The following ITGB1 variants were observed in gnomAD, a reference collection of about 807,000 sequenced individuals.
ITGB1 encodes integrin beta-1.
A neutral mutation model predicts 86.5 loss-of-function variants in ITGB1; 24 were observed. The ratio of observed to expected loss-of-function variants is 0.28; its 90% CI spans 0.20 to 0.39. The LOEUF is 0.39. Ranked by LOEUF, ITGB1 falls within the 10% of genes least tolerant of loss-of-function variation. The pLI is 1.00. For synonymous variants in ITGB1, 323 were observed against 316.8 expected (o/e 1.02, Z -0.21); for missense variants, 556 against 946.9 (o/e 0.59, Z 5.42).
intron 15 of ITGB1, among the ~76,000 whole-genome samples, chr10:32,906,850 T>C (rs1341242266): frequency 6.6e-6 from 1 of 152,234 alleles, no homozygotes; most frequent in Non-Finnish European, 1.5e-5. Flanking sequence ...AAGCACATTC[T>C]CTTTTCACTA....
intron 1 of ITGB1, among the ~76,000 whole-genome samples, chr10:32,954,235 A>G (rs2095048179): frequency 6.6e-6 from 1 of 151,836 alleles, no homozygotes; most frequent in South Asian, 2.1e-4. Context: ...TTGGCCTCAT[A>G]AGGTCATCAT....
chr10:32,917,996 ATGGAAT>A (rs1024178907), intron 11 of ITGB1, among the ~76,000 whole-genome samples: 1 of 152,236 alleles, frequency 6.6e-6, no homozygotes, highest in African/African-American at 2.4e-5. Flanking sequence ...CATATACAAC[ATGGAAT>A]ACTATGCAGC....
At chr10:32,915,061 G>A (rs2094927320) in intron 11 of ITGB1, among the ~76,000 whole-genome samples, 1 of 152,176 alleles carries the variant, frequency 6.6e-6, no homozygotes, top group African/African-American at 2.4e-5. Context: ...GCTCCTGAAT[G>A]ACTACTGGAT....
chr10:32,919,649 A>G (rs1279017799), intron 11 of ITGB1, among the ~76,000 whole-genome samples: 2 of 152,208 alleles, frequency 1.3e-5, no homozygotes, highest in South Asian at 2.1e-4. Flanking sequence ...TACTTCTTTC[A>G]TGGCTATAAA....
Position 32,920,318 on chromosome 10 carries a change from G to C in ITGB1, c.1196C>G (p.Ser399Cys). 6.2e-7 allele frequency: 1 copy of C among 1,612,880 alleles called. No individual in the cohort carries two copies. The highest frequency in any genetic ancestry group is 2.2e-5 in the East Asian group (1 of 44,808). ...LSEGVTISYKSYCKNGVNGTG... is the reference protein window; with the variant it reads ...LSEGVTISYKCYCKNGVNGTG... ...TCCATTCACCCCGTTCTTGCAGTAA[G>C]ATTTGTAACTTATTGTTACGCCTTC... Residue 399 changes from serine (S) to cysteine (C), a missense_variant, in exon 10 of 16, where the codon TCT becomes TGT. By Grantham distance (112) the Ser-to-Cys change is moderately radical. Coordinates refer to ENST00000302278, the MANE Select transcript of ITGB1 (RefSeq NM_002211.4).
In ITGB1 at chr10:32,920,265, T is replaced by C; in HGVS notation, c.1249A>G (p.Asn417Asp). 1.2e-6 allele frequency: 2 copies of C among 1,613,696 alleles called. No individual in the cohort carries two copies. The highest frequency in any genetic ancestry group is 2.2e-5 in the East Asian group (1 of 44,818). ...GTGENGRKCS[N>D]ISIGDEVQFE... ...CATACCTCATCTCCAATGGAAATATTGGAACATTTTCTTCCATTTTCCCCT... is the reference window on the plus strand; with the variant it reads ...CATACCTCATCTCCAATGGAAATATCGGAACATTTTCTTCCATTTTCCCCT... The change falls in exon 10 of 16, where the codon AAT (asparagine) becomes GAT (aspartate). Residue 417 changes from asparagine to aspartate, a missense_variant. Asn to Asp is a conservative substitution (Grantham distance 23). This residue lies in a region of ITGB1 where 330 missense variants were observed against 531.5 expected (regional missense o/e 0.62). Transcript: ENST00000302278.
intron 1 of ITGB1, among the ~76,000 whole-genome samples, chr10:32,949,139 TATGATAATAATA>T (rs2095037863): frequency 6.6e-6 from 1 of 152,138 alleles, no homozygotes; most frequent in African/African-American, 2.4e-5. Flanking sequence ...TTCAAATGGA[TATGATAATAATA>T]ATGATAAAAT....
In ITGB1 at chr10:32,910,233, C is replaced by T; in HGVS notation, c.2154G>A (p.Val718=). ...TCATCGCATTTCTACCTGGATTCTC[C>T]ACAACATGAACCATGACCTCGTTGT... ...NGNNEVMVHV[V]ENPECPTGPD... Residue 718 remains valine (V), a synonymous_variant, in exon 14 of 16, where the codon GTG becomes GTA. Coordinates refer to ENST00000302278, the MANE Select transcript of ITGB1 (RefSeq NM_002211.4). The T allele has an allele frequency of 1.9e-6, 3 of 1,602,248 alleles. No homozygotes were observed. Among genetic ancestry groups the T allele is most frequent in the Non-Finnish European group, 2.6e-6 (3 of 1,169,818 alleles).
At chr10:32,921,011 A>AC (rs200146165) in intron 9 of ITGB1, among the ~76,000 whole-genome samples, 2 of 145,662 alleles carry the variant, frequency 1.4e-5, no homozygotes, top group Admixed American at 6.9e-5. Flanking sequence ...AAAAACAGAA[A>AC]CCCCCCAAAA....
intron 1 of ITGB1, among the ~76,000 whole-genome samples, chr10:32,947,807 T>A (rs1417515073): frequency 6.6e-6 from 1 of 152,196 alleles, no homozygotes; most frequent in Non-Finnish European, 1.5e-5. Flanking sequence ...TGTCTCAGTT[T>A]CCTCATCTTT....
chr10:32,915,377 G>T (rs2094928241), intron 11 of ITGB1, among the ~76,000 whole-genome samples: 1 of 152,182 alleles, frequency 6.6e-6, no homozygotes, highest in African/African-American at 2.4e-5. Flanking sequence ...GAATCCAGGA[G>T]CTGGTTTTTT....
intron 12 of ITGB1, 97 bp downstream of exon 12, chr10:32,911,789 A>G: frequency 1.4e-6 from 2 of 1,419,268 alleles, no homozygotes; most frequent in South Asian, 1.2e-5. Context: ...CTGACCCTCA[A>G]GCTACCCCTT....
chr10:32,914,228 C>A (rs1346739852), intron 11 of ITGB1, among the ~76,000 whole-genome samples: 4 of 152,258 alleles, frequency 2.6e-5, no homozygotes, highest in Non-Finnish European at 5.9e-5. Flanking sequence ...TTGTAAAGAC[C>A]ATCGATGCTA....
chr10:32,929,239 G>C (rs541933876), intron 4 of ITGB1, among the ~76,000 whole-genome samples: 2 of 151,984 alleles, frequency 1.3e-5, no homozygotes, highest in African/African-American at 4.8e-5. Flanking sequence ...CTGGGTCTGC[G>C]GGCTGAAGGC....
intron 1 of ITGB1, among the ~76,000 whole-genome samples, chr10:32,957,259 C>T (rs990076484): frequency 3.9e-5 from 6 of 152,190 alleles, no homozygotes; most frequent in African/African-American, 1.4e-4. Context: ...AAGTTTTGGA[C>T]TCAAAAGCAC....
intron 13 of ITGB1, among the ~76,000 whole-genome samples, chr10:32,911,194 C>T (rs1265734773): frequency 6.6e-6 from 1 of 152,090 alleles, no homozygotes; most frequent in Non-Finnish European, 1.5e-5. Context: ...ATAAAGGTTA[C>T]CATGTAAATT....
At chr10:32,904,410 T>C (rs2094890723) in intron 15 of ITGB1, among the ~76,000 whole-genome samples, 1 of 152,174 alleles carries the variant, frequency 6.6e-6, no homozygotes, top group Non-Finnish European at 1.5e-5. Context: ...ATCTCTACAA[T>C]GTATTAAATA....
intron 1 of ITGB1, among the ~76,000 whole-genome samples, chr10:32,943,664 G>T (rs1032979084): frequency 6.6e-6 from 1 of 152,126 alleles, no homozygotes; most frequent in Admixed American, 6.5e-5. Context: ...AGTCTTGGGG[G>T]AAAAGGCCTG....
chr10:32,921,171 A>AC (rs1367625623), intron 9 of ITGB1, among the ~76,000 whole-genome samples: 1 of 151,700 alleles, frequency 6.6e-6, no homozygotes, highest in Non-Finnish European at 1.5e-5. Context: ...GCCAAAAAAA[A>AC]AAAAAAACAA....
Sources: gnomAD v4.1 joint callset for allele counts (sites outside exome capture counted in the v4.1 genomes callset) on GRCh38, gnomAD v4.1.1 for gene constraint, gnomAD v4.1.1 regional missense constraint, MANE v1.5 for transcripts, NCBI Gene and HGNC (gene_info 2026-07-23, HGNC 2026-07-21) for gene names.